Variants in PROX1 observed in about 807,000 individuals in gnomAD.
The protein encoded by PROX1 is prospero homeobox 1.
PROX1 carries 7 observed loss-of-function variants against 58.8 expected under a neutral mutation model. The ratio of observed to expected loss-of-function variants is 0.12; its 90% confidence interval spans 0.07 to 0.22. PROX1 has a LOEUF of 0.22. PROX1 is among the 10% of genes least tolerant of loss of function. PROX1 has a pLI of 1.00. For synonymous variants in PROX1, 350 were observed against 358.3 expected (o/e 0.98, Z 0.26); for missense variants, 675 against 927.8 (o/e 0.73, Z 3.54).
chr1:213,997,977 G>C lies in PROX1; in HGVS notation c.1442G>C (p.Arg481Pro). The C allele has an allele frequency of 6.2e-7, 1 of 1,613,706 alleles. No individual in the cohort carries two copies. Among genetic ancestry groups the C allele is most frequent in the Non-Finnish European group, 8.5e-7 (1 of 1,179,848 alleles). Reference sequence around the variant, plus strand: ...ACGGGCTTCACCACGTCCACCTTCCGCCACCCCTTCCCCCTTCCCTTGATG... The same window carrying C: ...ACGGGCTTCACCACGTCCACCTTCCCCCACCCCTTCCCCCTTCCCTTGATG... ...ATTGFTTSTF[R>P]HPFPLPLMAY... Residue 481 changes from arginine (R) to proline (P), a missense_variant, in exon 2 of 5, where the codon CGC (arginine) becomes CCC (proline). This residue lies in a region of PROX1 where 403 missense variants were observed against 477.4 expected (regional missense o/e 0.84). Coordinates refer to ENST00000366958, the MANE Select transcript of PROX1 (RefSeq NM_001270616.2). The surrounding 1 kb of genome is among the most constrained non-coding windows in gnomAD (Gnocchi z 7.1).
intron 4 of PROX1, among the ~76,000 whole-genome samples, chr1:214,034,823 T>C (rs1301128428): frequency 1.3e-5 from 2 of 152,126 alleles, no homozygotes; most frequent in Non-Finnish European, 2.9e-5. Flanking sequence ...TGAGCCTCAG[T>C]TTTCTATTGT....
intron 4 of PROX1, among the ~76,000 whole-genome samples, chr1:214,014,558 T>A (rs1013595266): frequency 6.6e-6 from 1 of 152,246 alleles, no homozygotes; most frequent in African/African-American, 2.4e-5. Flanking sequence ...GACTGTTTAC[T>A]AATGACCTAG....
At chr1:214,034,309 T>C (rs1015386014) in intron 4 of PROX1, among the ~76,000 whole-genome samples, 2 of 152,220 alleles carry the variant, frequency 1.3e-5, no homozygotes, top group Non-Finnish European at 1.5e-5. Context: ...AACATTACAC[T>C]ACTTCCTTTT....
Position 214,039,150 on chromosome 1 carries a change from ATCTAGATTT to A in PROX1, c.*3317_*3325del, listed in dbSNP as rs1664924275. The A allele has an allele frequency of 6.6e-6, 1 of 152,188 alleles. No homozygotes were observed. Among genetic ancestry groups the A allele is most frequent in the African/African-American group, 2.4e-5 (1 of 41,452 alleles). The allele number at this position is 152,188 out of a possible 1,614,324, so 9.4% of individuals were successfully genotyped here. On this transcript the variant is annotated 3_prime_UTR_variant, in exon 5 of 5. Transcript: ENST00000366958. ...TGAAGTGGAAAGCTTACCTTTTCCT[ATCTAGATTT>A]AAGAACCTATTTTAGACATTTGTTA...
At chr1:214,020,335 G>C (rs554899085) in intron 4 of PROX1, among the ~76,000 whole-genome samples, 2 of 152,202 alleles carry the variant, frequency 1.3e-5, no homozygotes, top group South Asian at 4.1e-4. Flanking sequence ...ATGCCTCGCT[G>C]TGCACGTTAC....
At chr1:214,008,860 G>A (rs1663811555) in intron 3 of PROX1, among the ~76,000 whole-genome samples, 1 of 152,122 alleles carries the variant, frequency 6.6e-6, no homozygotes, top group African/African-American at 2.4e-5. Flanking sequence ...CCCTCATAAT[G>A]ACATTTAGCC....
At chr1:213,995,454 G>T (rs1199830455) in intron 1 of PROX1, among the ~76,000 whole-genome samples, 6 of 139,222 alleles carry the variant, frequency 4.3e-5, no homozygotes, top group African/African-American at 1.7e-4. Context: ...TCTTCTTTCA[G>T]TTTTTTCTGT....
intron 4 of PROX1, among the ~76,000 whole-genome samples, chr1:214,033,417 G>T (rs1161267624): frequency 1.3e-5 from 2 of 152,156 alleles, no homozygotes; most frequent in Non-Finnish European, 2.9e-5. Context: ...GGCCAACATG[G>T]TGAAACCCCA....
chr1:213,997,603 G>A lies in PROX1; in HGVS notation c.1068G>A (p.Leu356=), dbSNP rs1486490214. The change falls in exon 2 of 5, where the codon CTG becomes CTA. Residue 356 remains leucine (L), a synonymous_variant. Coordinates refer to ENST00000366958, the MANE Select transcript of PROX1 (RefSeq NM_001270616.2). This position sits in a 1 kb window ranked among gnomAD's most constrained non-coding sequence, Gnocchi z 7.1. The part of the protein sequence containing the change: ...KHLAETLKQE[L]NTAMSQVVDT... ...TGGCTGAGACCTTGAAACAGGAACT[G>A]AACACTGCCATGTCGCAAGTTGTGG... 2 of 1,614,176 alleles carry A rather than the reference G, an allele frequency of 1.2e-6. No homozygotes were observed. Among genetic ancestry groups the A allele is most frequent in the East Asian group, 2.2e-5 (1 of 44,874 alleles).
chr1:213,991,343 G>C (rs1028987855), intron 1 of PROX1, among the ~76,000 whole-genome samples: 1 of 152,008 alleles, frequency 6.6e-6, no homozygotes, highest in African/African-American at 2.4e-5. Context: ...TTTGTGTTTG[G>C]GTAGTTATTG....
chr1:214,026,697 A>T (rs1037355433), intron 4 of PROX1, among the ~76,000 whole-genome samples: 5 of 152,190 alleles, frequency 3.3e-5, no homozygotes, highest in African/African-American at 9.7e-5. Flanking sequence ...TTAAAAGACA[A>T]AGACTCAAAT....
intron 4 of PROX1, among the ~76,000 whole-genome samples, chr1:214,018,508 T>C (rs935785101): frequency 2.0e-5 from 3 of 152,174 alleles, no homozygotes; most frequent in Non-Finnish European, 2.9e-5. Flanking sequence ...AAAATAAAGA[T>C]GCAGTGTGGA....
At chr1:214,018,036 T>G (rs1664155163) in intron 4 of PROX1, among the ~76,000 whole-genome samples, 2 of 152,238 alleles carry the variant, frequency 1.3e-5, no homozygotes, top group Non-Finnish European at 2.9e-5. Flanking sequence ...CAGCCCATCC[T>G]GGATTAAATG....
intron 2 of PROX1, among the ~76,000 whole-genome samples, chr1:214,002,412 C>CTTTTTTTTTTTTTTTTTTTTTTTTT (rs774337530): frequency 8.6e-6 from 1 of 116,376 alleles, no homozygotes; most frequent in Non-Finnish European, 1.7e-5. Context: ...TTTCTTTTTT[C>CTTTTTTTTTTTTTTTTTTTTTTTTT]TTTTTTTTTT....
intron 1 of PROX1, chr1:213,989,918 T>C (rs1294834419): frequency 6.6e-6 from 1 of 152,026 alleles, no homozygotes; most frequent in Non-Finnish European, 1.5e-5. Context: ...AGGAGGCAGG[T>C]TGGAGTGTGA....
intron 2 of PROX1, among the ~76,000 whole-genome samples, chr1:214,004,684 G>A (rs763154056): frequency 6.6e-4 from 101 of 152,074 alleles, no homozygotes; most frequent in Non-Finnish European, 1.3e-3. Context: ...GCATAGCAGT[G>A]TTCAAAATAA....
chr1:214,022,273 G>A (rs552944407), intron 4 of PROX1, among the ~76,000 whole-genome samples: 1 of 152,202 alleles, frequency 6.6e-6, no homozygotes, highest in Non-Finnish European at 1.5e-5. Flanking sequence ...GGATGTAATA[G>A]TGACTACTTC....
At chr1:214,031,085 G>T (rs1426546684) in intron 4 of PROX1, among the ~76,000 whole-genome samples, 2 of 151,450 alleles carry the variant, frequency 1.3e-5, no homozygotes, top group Non-Finnish European at 2.9e-5. Context: ...GCGCATTCGC[G>T]CACGCACACA....
chr1:214,000,942 G>A lies in PROX1; in HGVS notation c.1725+2682G>A, dbSNP rs768192675. Among the ~76,000 whole-genome samples, 6 of 152,082 alleles carry A rather than the reference G, an allele frequency of 3.9e-5. No individual in the cohort carries two copies. In the East Asian group the frequency reaches 5.8e-4, roughly 15 times the overall value. ...AGGGATACGGGGCCATATATGATCC[G>A]GTTGTACAGTTATTCCTCGAAAAGA... On this transcript the variant is annotated intron_variant, in intron 2 of 4. Transcript: ENST00000366958.
Sources: gnomAD v4.1 joint callset for allele counts (sites outside exome capture counted in the v4.1 genomes callset) on GRCh38, gnomAD v4.1.1 for gene constraint, gnomAD v4.1.1 regional missense constraint, Gnocchi (gnomAD v3.1) non-coding constraint, MANE v1.5 for transcripts, NCBI Gene and HGNC (gene_info 2026-07-23, HGNC 2026-07-21) for gene names.